The following SRGAP1 variants were observed in gnomAD, a reference collection of about 807,000 sequenced individuals.
SRGAP1 encodes the protein SLIT-ROBO Rho GTPase-activating protein 1.
In SRGAP1, 43 loss-of-function variants were observed where a neutral mutation model predicts 121.9. That is an observed-to-expected ratio of 0.35 (90% CI 0.28 to 0.46). SRGAP1 has a LOEUF of 0.46. Ranked by LOEUF, SRGAP1 falls within the 20% of genes least tolerant of loss-of-function variation. The pLI, the probability that SRGAP1 is intolerant of heterozygous loss-of-function variation, is 1.00. For missense variants in SRGAP1, 1,102 were observed against 1,350.9 expected, an observed-to-expected ratio of 0.82 and a Z score of 2.89; for synonymous variants, 447 against 485.4, an observed-to-expected ratio of 0.92 and a Z score of 1.04.
chr12:64,004,888 A>G (rs999591268), intron 3 of SRGAP1, among the ~76,000 whole-genome samples: 2 of 152,250 alleles, frequency 1.3e-5, no homozygotes, highest in East Asian at 1.9e-4. Flanking sequence ...ACTATGTTTC[A>G]TACCACATGA....
chr12:63,921,056 G>A (rs1196339264), intron 1 of SRGAP1, among the ~76,000 whole-genome samples: 1 of 152,050 alleles, frequency 6.6e-6, no homozygotes, highest in Non-Finnish European at 1.5e-5. Flanking sequence ...AGTGAGTGGT[G>A]GCCCATCCAT....
chr12:64,133,661 C>T (rs2136644931), intron 21 of SRGAP1, among the ~76,000 whole-genome samples: 1 of 152,274 alleles, frequency 6.6e-6, no homozygotes, highest in East Asian at 1.9e-4. Flanking sequence ...GGTCCTTCCT[C>T]AAAGGGACCT....
intron 1 of SRGAP1, among the ~76,000 whole-genome samples, chr12:63,919,627 G>C (rs938259813): frequency 6.6e-6 from 1 of 151,318 alleles, no homozygotes; most frequent in Non-Finnish European, 1.5e-5. Flanking sequence ...CAATTCTGTC[G>C]CACTTATCTG....
intron 3 of SRGAP1, among the ~76,000 whole-genome samples, chr12:63,994,874 C>G (rs1404915159): frequency 1.3e-5 from 2 of 152,172 alleles, no homozygotes; most frequent in African/African-American, 4.8e-5. Context: ...CATGCTGAAA[C>G]AGAGTACTCT....
At chr12:64,018,225 A>G (rs2034458217) in intron 4 of SRGAP1, among the ~76,000 whole-genome samples, 1 of 152,076 alleles carries the variant, frequency 6.6e-6, no homozygotes, top group South Asian at 2.1e-4. Context: ...AGTAGCTGGG[A>G]TTACAGGCAT....
rs904228022 is a variant in SRGAP1, at chr12:64,146,957, G to A, written c.*4285G>A. On this transcript the variant is annotated 3_prime_UTR_variant, in exon 22 of 22. Transcript: ENST00000355086. ...GTCTTTAAATTACGTAGGGAATTTT[G>A]TATGTTTAAATAATTGTACTGGGTT... is the stretch of plus-strand genomic sequence containing the variant. The A allele has an allele frequency of 6.6e-6, 1 of 151,630 alleles. No individual in the cohort carries two copies. The highest frequency in any genetic ancestry group is 2.4e-5 in the African/African-American group (1 of 41,178). The allele number at this position is 151,630 out of a possible 1,614,324, so 9.4% of individuals were successfully genotyped here. A position where few individuals can be genotyped will look rare whatever the true frequency, so the allele number is the denominator to read the frequency against.
chr12:64,142,569 C>A lies in SRGAP1; in HGVS notation c.3155C>A (p.Pro1052His). Residue 1052 changes from proline (P) to histidine (H), a missense_variant, in exon 22 of 22, where the codon CCT becomes CAT. Around this residue, in one of 3 missense-constraint regions of SRGAP1, gnomAD observed 315 missense variants for 343.1 expected, o/e 0.92. Coordinates refer to ENST00000355086, the MANE Select transcript of SRGAP1 (RefSeq NM_020762.4). Reference sequence around the variant, plus strand: ...CCCAGAATGGGCGTGCAGCTGAAGCCTCCAGCCCTTAGGCCAAAACCTGCT... The same window carrying A: ...CCCAGAATGGGCGTGCAGCTGAAGCATCCAGCCCTTAGGCCAAAACCTGCT... Reference protein sequence around the residue: ...VAPRMGVQLKPPALRPKPAVL... With the variant: ...VAPRMGVQLKHPALRPKPAVL... 6.2e-7 allele frequency: 1 copy of A among 1,614,228 alleles called. No individual in the cohort carries two copies. The highest frequency in any genetic ancestry group is 8.5e-7 in the Non-Finnish European group (1 of 1,180,046).
chr12:64,086,365 C>G (rs905655220), intron 10 of SRGAP1, among the ~76,000 whole-genome samples: 12 of 152,098 alleles, frequency 7.9e-5, no homozygotes, highest in Non-Finnish European at 1.6e-4. Flanking sequence ...GTCAAGAAAC[C>G]CAAATGTATA....
At chr12:63,953,358 T>C (rs1466785678) in intron 1 of SRGAP1, among the ~76,000 whole-genome samples, 2 of 152,076 alleles carry the variant, frequency 1.3e-5, no homozygotes, top group African/African-American at 4.8e-5. Context: ...GTCTCTGCCT[T>C]ATTCTCTTTT....
intron 1 of SRGAP1, among the ~76,000 whole-genome samples, chr12:63,872,984 G>C (rs1899904416): frequency 6.6e-6 from 1 of 152,078 alleles, no homozygotes; most frequent in African/African-American, 2.4e-5. Context: ...GGGGCATTCT[G>C]GGTATAGGAA....
At chr12:64,110,704 TATG>T (rs762274419) in intron 16 of SRGAP1, among the ~76,000 whole-genome samples, 18 of 152,338 alleles carry the variant, frequency 1.2e-4, no homozygotes, top group South Asian at 2.1e-4. Context: ...TGATCTGTAA[TATG>T]ATCATTTACT....
chr12:64,119,077 T>C (rs1237607309), intron 18 of SRGAP1, among the ~76,000 whole-genome samples: 1 of 152,230 alleles, frequency 6.6e-6, no homozygotes, highest in South Asian at 2.1e-4. Flanking sequence ...AGCAATTTAT[T>C]TGGGGGTATG....
chr12:63,910,340 C>T (rs1203269919), intron 1 of SRGAP1, among the ~76,000 whole-genome samples: 1 of 152,134 alleles, frequency 6.6e-6, no homozygotes, highest in Non-Finnish European at 1.5e-5. Context: ...TCTGGCAGCC[C>T]AATTATTTTC....
chr12:64,037,251 A>G (rs2136496870), intron 4 of SRGAP1, among the ~76,000 whole-genome samples: 1 of 152,300 alleles, frequency 6.6e-6, no homozygotes, highest in African/African-American at 2.4e-5. Flanking sequence ...TGGTACACAA[A>G]TTGCTGCTTG....
In SRGAP1 at chr12:64,065,184, T is replaced by G. The variant is rs1463963135; in HGVS notation, c.1090T>G (p.Ser364Ala). Reference sequence around the variant, plus strand: ...CATGCTCAGGTACCAACAGTTGCAGTCCCGCCTTGCCACGCTCAAAATCGA... The same window carrying G: ...CATGCTCAGGTACCAACAGTTGCAGGCCCGCCTTGCCACGCTCAAAATCGA... ...ELMLRYQQLQ[S>A]RLATLKIENE... Residue 364 changes from serine (S) to alanine (A), a missense_variant, in exon 8 of 22, where the codon TCC (serine) becomes GCC (alanine). Transcript: ENST00000355086. The G allele has an allele frequency of 1.2e-6, 2 of 1,613,488 alleles. No homozygotes were observed. Among genetic ancestry groups the G allele is most frequent in the Non-Finnish European group, 1.7e-6 (2 of 1,179,876 alleles).
At chr12:63,960,439 C>T (rs144377554) in intron 1 of SRGAP1, among the ~76,000 whole-genome samples, 1 of 152,084 alleles carries the variant, frequency 6.6e-6, no homozygotes. Context: ...CCTCTACCCC[C>T]AGTCTGACCT....
intron 1 of SRGAP1, among the ~76,000 whole-genome samples, chr12:63,949,010 ATTCATATATG>A (rs1361988434): frequency 1.9e-5 from 2 of 103,328 alleles, no homozygotes; most frequent in African/African-American, 7.7e-5. Context: ...CCATATATAT[ATTCATATATG>A]TATTTTCCAT....
intron 21 of SRGAP1, among the ~76,000 whole-genome samples, chr12:64,140,086 G>A (rs1592357902): frequency 1.3e-5 from 2 of 148,540 alleles, no homozygotes; most frequent in East Asian, 3.9e-4. Context: ...GCTCTGTTCT[G>A]TTCCATTGAT....
rs1022563374 is a variant in SRGAP1 at position 63,998,100 on chromosome 12, A to G, written c.426+8028A>G. ...TATAGCACTTATCCCTTTGTGACAT[A>G]CTATATATTTACTTAATTATTTGTT... On this transcript the variant is annotated intron_variant, in intron 3 of 21. Coordinates refer to ENST00000355086, the MANE Select transcript of SRGAP1 (RefSeq NM_020762.4). Among the ~76,000 whole-genome samples, 3 of 152,138 alleles carry G rather than the reference A, an allele frequency of 2.0e-5. 1 individual carries two copies. In the South Asian group the frequency reaches 6.2e-4, roughly 31 times the overall value.
Sources: gnomAD v4.1 joint callset for allele counts (sites outside exome capture counted in the v4.1 genomes callset) on GRCh38, gnomAD v4.1.1 for gene constraint, gnomAD v4.1.1 regional missense constraint, MANE v1.5 for transcripts, NCBI Gene and HGNC (gene_info 2026-07-23, HGNC 2026-07-21) for gene names.